MCTP2: variants seen among roughly 807,000 people sequenced by gnomAD.
MCTP2 encodes multiple C2 and transmembrane domain-containing protein 2.
MCTP2 carries 132 observed loss-of-function variants against 111.6 expected under a neutral mutation model. That is an observed-to-expected ratio of 1.18 (90% confidence interval 1.03 to 1.37). The LOEUF (loss-of-function observed/expected upper bound fraction) is 1.37. Among genes scored for constraint, MCTP2 ranks in the 40% most tolerant of loss-of-function variants. MCTP2 has a pLI of 0.00. For synonymous variants in MCTP2, 395 were observed against 387.7 expected (o/e 1.02, Z -0.22); for missense variants, 1,183 against 1,067.9 (o/e 1.11, Z -1.50).
intron 17 of MCTP2, among the ~76,000 whole-genome samples, chr15:94,425,124 A>G (rs930322258): frequency 1.3e-5 from 2 of 152,180 alleles, no homozygotes; most frequent in Non-Finnish European, 2.9e-5. Context: ...TTTAAATTTT[A>G]AATTACATCT....
chr15:94,369,626 T>A (rs144562175), intron 11 of MCTP2, among the ~76,000 whole-genome samples: 510 of 152,258 alleles, frequency 3.3e-3, no homozygotes, highest in South Asian at 0.016. Flanking sequence ...CCAACTCTCT[T>A]TAGAGTGGTG....
intron 10 of MCTP2, among the ~76,000 whole-genome samples, chr15:94,365,608 C>T (rs79673397): frequency 0.14 from 21,873 of 152,004 alleles, 1,752 homozygotes; most frequent in Middle Eastern, 0.2. Flanking sequence ...CTGCTCACAG[C>T]GTTACTAGAG....
At chr15:94,368,572 T>C (rs1436501758) in intron 11 of MCTP2, among the ~76,000 whole-genome samples, 1 of 152,204 alleles carries the variant, frequency 6.6e-6, no homozygotes, top group Non-Finnish European at 1.5e-5. Flanking sequence ...CCAGGATCCT[T>C]CACTGTGTAG....
chr15:94,368,190 C>A (rs1276210292), intron 11 of MCTP2, among the ~76,000 whole-genome samples: 5 of 152,156 alleles, frequency 3.3e-5, no homozygotes, highest in Admixed American at 3.3e-4. Flanking sequence ...TGCAGAACTT[C>A]TTAGGATCAA....
chr15:94,356,009 C>A, intron 8 of MCTP2, 128 bp from the exon 9 acceptor site: 1 of 1,357,830 alleles, frequency 7.4e-7, no homozygotes, highest in South Asian at 2.0e-5. Flanking sequence ...ATGAAAAAAA[C>A]AGTTTTCCCC....
At chr15:94,340,059 CT>C in intron 5 of MCTP2, 139 bp from the exon 6 acceptor site, 1 of 631,564 alleles carries the variant, frequency 1.6e-6, no homozygotes, top group Non-Finnish European at 2.7e-6. Flanking sequence ...CTAAATTTCT[CT>C]TTAACTATAC....
chr15:94,332,873 G>A (rs76872673), intron 4 of MCTP2, among the ~76,000 whole-genome samples: 4,162 of 152,248 alleles, frequency 0.027, 168 homozygotes, highest in African/African-American at 0.095. Flanking sequence ...TACATGGTAA[G>A]TTTATATATA....
intron 10 of MCTP2, among the ~76,000 whole-genome samples, chr15:94,363,197 A>T (rs1309461203): frequency 1.3e-5 from 2 of 152,112 alleles, no homozygotes; most frequent in Admixed American, 6.6e-5. Context: ...AAATCTTCAA[A>T]TCTAGAGCAC....
chr15:94,367,892 A>G (rs1423129757), intron 11 of MCTP2, 101 bp downstream of exon 11: 2 of 1,044,968 alleles, frequency 1.9e-6, no homozygotes, highest in African/African-American at 1.7e-5. Context: ...AACTACATCA[A>G]AAGAGATCTT....
At chr15:94,243,733 G>A (rs201587397) in intron 1 of MCTP2, among the ~76,000 whole-genome samples, 56,983 of 140,654 alleles carry the variant, frequency 0.41, 11,418 homozygotes, top group Middle Eastern at 0.44. Context: ...ATACATATGT[G>A]TATACATATA....
chr15:94,313,679 C>T (rs294556), intron 2 of MCTP2, among the ~76,000 whole-genome samples: 76,432 of 151,248 alleles, frequency 0.51, 19,679 homozygotes, highest in Non-Finnish European at 0.56. Flanking sequence ...CCAGCCTGGG[C>T]GACAGAGTGA....
At chr15:94,286,105 A>G (rs1354926576) in intron 1 of MCTP2, among the ~76,000 whole-genome samples, 1 of 152,190 alleles carries the variant, frequency 6.6e-6, no homozygotes, top group East Asian at 1.9e-4. Context: ...AAGCAGGGAA[A>G]TGGTTTGTTT....
chr15:94,416,864 C>T lies in MCTP2; in HGVS notation c.2085+14845C>T, dbSNP rs150364475. ...GGGAAAAGGGATTTCTCCCCTTCCT[C>T]GTCTTTGTCATCTCCTTCTCCCTCC... On this transcript the variant is annotated intron_variant, in intron 17 of 22. Transcript: ENST00000357742. Among the ~76,000 whole-genome samples, 681 of 152,282 alleles carry T rather than the reference C, an allele frequency of 4.5e-3. 7 individuals are homozygous for T. Among genetic ancestry groups the T allele is most frequent in the African/African-American group, 0.015 (618 of 41,570 alleles).
chr15:94,410,421 T>C (rs913086654), intron 17 of MCTP2, among the ~76,000 whole-genome samples: 5 of 152,174 alleles, frequency 3.3e-5, no homozygotes, highest in African/African-American at 9.7e-5. Flanking sequence ...CTCTTCATGC[T>C]TGACCTAATA....
intron 1 of MCTP2, among the ~76,000 whole-genome samples, chr15:94,245,623 TATATACATATACTTATAC>T (rs2071907615): frequency 6.9e-6 from 1 of 145,376 alleles, no homozygotes; most frequent in African/African-American, 2.5e-5. Flanking sequence ...TGTACATGTA[TATATACATATACTTATAC>T]ATATACATAT....
chr15:94,450,345 C>T (rs1012146071), intron 19 of MCTP2, among the ~76,000 whole-genome samples: 10 of 152,006 alleles, frequency 6.6e-5, no homozygotes, highest in East Asian at 3.9e-4. Context: ...TGTGTGTGTG[C>T]GTGTGTGTGT....
intron 4 of MCTP2, among the ~76,000 whole-genome samples, chr15:94,322,142 T>A (rs747645308): frequency 2.6e-5 from 4 of 152,240 alleles, no homozygotes; most frequent in Non-Finnish European, 5.9e-5. Context: ...TGTGGAATCA[T>A]GTATTTAATT....
In MCTP2 at chr15:94,399,951, C is replaced by T. The variant is rs142688460; in HGVS notation, c.1921C>T (p.Arg641Trp). 5.4e-5 allele frequency: 87 copies of T among 1,613,868 alleles called. No homozygotes were observed. The highest frequency in any genetic ancestry group is 3.3e-4 in the Middle Eastern group (2 of 6,058). ...AGCAAGTATTAGGACTTTTACTCCCCGGGAAAAGCGCTTTGTTGAAGACAG... is the reference window on the plus strand; with the variant it reads ...AGCAAGTATTAGGACTTTTACTCCCTGGGAAAAGCGCTTTGTTGAAGACAG... ...VKASIRTFTP[R>W]EKRFVEDSRK... The change falls in exon 16 of 23, where the codon CGG (arginine) becomes TGG (tryptophan). Residue 641 changes from arginine (R) to tryptophan (W), a missense_variant. Coordinates refer to ENST00000357742, the MANE Select transcript of MCTP2 (RefSeq NM_001385001.1).
intron 8 of MCTP2, among the ~76,000 whole-genome samples, chr15:94,349,318 C>T (rs1428036839): frequency 6.6e-6 from 1 of 152,184 alleles, no homozygotes; most frequent in Non-Finnish European, 1.5e-5. Context: ...CTCATCAAAT[C>T]TCTCCTCTCA....
Sources: gnomAD v4.1 joint callset for allele counts (sites outside exome capture counted in the v4.1 genomes callset) on GRCh38, gnomAD v4.1.1 for gene constraint, MANE v1.5 for transcripts, NCBI Gene and HGNC (gene_info 2026-07-23, HGNC 2026-07-21) for gene names.